Variants in KIF3C observed in about 807,000 individuals in gnomAD.
KIF3C encodes kinesin-like protein KIF3C.
A neutral mutation model predicts 67.7 loss-of-function variants in KIF3C; 12 were observed. The ratio of observed to expected loss-of-function variants is 0.18; its 90% confidence interval spans 0.11 to 0.29. The LOEUF (loss-of-function observed/expected upper bound fraction) is 0.29, where lower values mean the gene tolerates loss of function less well. KIF3C is among the 10% of genes least tolerant of loss of function. The pLI, the probability that KIF3C is intolerant of heterozygous loss-of-function variation, is 1.00. For synonymous variants in KIF3C, 393 were observed against 426.2 expected (o/e 0.92, Z 0.96); for missense variants, 789 against 1,059.6 (o/e 0.74, Z 3.55).
chr2:25,968,030 T>C (rs1664188138), intron 1 of KIF3C, among the ~76,000 whole-genome samples: 1 of 152,166 alleles, frequency 6.6e-6, no homozygotes, highest in Non-Finnish European at 1.5e-5. Context: ...CTTCCATCTC[T>C]TAGAAAATAT....
At position 25,958,060 on chromosome 2, in the gene KIF3C, C is replaced by T. The variant is rs73920213; in HGVS notation, c.1546-1616G>A. ...CATCCTCAGCGACTCACCTGCCTCG[C>T]CTCATCCCTGCCCTGCCTCTCATCC... On this transcript the variant is annotated intron_variant, in intron 1 of 7. Coordinates refer to ENST00000264712, the MANE Select transcript of KIF3C (RefSeq NM_002254.8). This position sits in a 1 kb window ranked among gnomAD's most constrained non-coding sequence, Gnocchi z 4.5. Among the ~76,000 whole-genome samples the T allele has an allele frequency of 7.1e-3, 1,082 of 152,298 alleles. 15 individuals carry two copies. Among genetic ancestry groups the T allele is most frequent in the African/African-American group, 0.025 (1,033 of 41,570 alleles).
chr2:25,950,904 AAAAAG>A (rs1192097874), intron 5 of KIF3C, among the ~76,000 whole-genome samples: 28 of 151,876 alleles, frequency 1.8e-4, no homozygotes, highest in African/African-American at 6.3e-4. Context: ...TAAAAAAAAA[AAAAAG>A]AAGAAGAAAA....
At chr2:25,953,993 A>T (rs965256556) in intron 4 of KIF3C, 1 of 364,564 alleles carries the variant, frequency 2.7e-6, no homozygotes, top group African/African-American at 2.1e-5. Flanking sequence ...AAAAATTTAA[A>T]ATCACTGATT....
chr2:25,928,934 C>A lies in KIF3C; in HGVS notation c.*44G>T. The A allele has an allele frequency of 1.3e-6, 2 of 1,552,322 alleles. No homozygotes were observed. The highest frequency in any genetic ancestry group is 1.8e-6 in the Non-Finnish European group (2 of 1,131,494). The stretch of plus-strand genomic sequence containing the variant: ...ATGAGATGAGCCAGGGTTGGCTGCC[C>A]CATCCCAGGAGTCTATTGGATGGGC... On this transcript the variant is annotated 3_prime_UTR_variant, in exon 8 of 8. Coordinates refer to ENST00000264712, the MANE Select transcript of KIF3C (RefSeq NM_002254.8).
At chr2:25,957,036 C>G (rs934698124) in intron 1 of KIF3C, among the ~76,000 whole-genome samples, 3 of 152,156 alleles carry the variant, frequency 2.0e-5, no homozygotes, top group African/African-American at 7.2e-5. Context: ...CCACTTACCT[C>G]GAGGCTTTGG....
intron 5 of KIF3C, among the ~76,000 whole-genome samples, chr2:25,944,305 T>C (rs1022157762): frequency 6.6e-6 from 1 of 152,124 alleles, no homozygotes; most frequent in Non-Finnish European, 1.5e-5. Flanking sequence ...TCATATAATT[T>C]GTATTTAAGT....
intron 7 of KIF3C, 88 bp downstream of exon 7, chr2:25,929,210 TCGGGTAC>T: frequency 6.8e-7 from 1 of 1,477,776 alleles, no homozygotes; most frequent in Non-Finnish European, 9.4e-7. Context: ...TTCCTGCCCT[TCGGGTAC>T]CAGCAAAACC....
At chr2:25,969,535 A>G (rs1235201692) in intron 1 of KIF3C, among the ~76,000 whole-genome samples, 2 of 152,176 alleles carry the variant, frequency 1.3e-5, no homozygotes, top group Non-Finnish European at 2.9e-5. Flanking sequence ...GCTTATTGTG[A>G]AAAATAAAAT....
At chr2:25,937,850 T>C (rs1211208281) in intron 5 of KIF3C, among the ~76,000 whole-genome samples, 1 of 150,864 alleles carries the variant, frequency 6.6e-6, no homozygotes, top group African/African-American at 2.4e-5. Flanking sequence ...AGGTCAGGAG[T>C]TCAAGACCAG....
intron 1 of KIF3C, among the ~76,000 whole-genome samples, chr2:25,965,437 C>G (rs1664114653): frequency 6.6e-6 from 1 of 151,994 alleles, no homozygotes; most frequent in Non-Finnish European, 1.5e-5. Context: ...TCTGAGGATA[C>G]CAGTGGCCAT....
At chr2:25,976,372 G>T (rs185123567) in intron 1 of KIF3C, among the ~76,000 whole-genome samples, 1 of 152,116 alleles carries the variant, frequency 6.6e-6, no homozygotes, top group East Asian at 1.9e-4. Context: ...TCTTCAATTC[G>T]TGCCTGCATT....
At position 25,980,674 on chromosome 2, in the gene KIF3C, A is replaced by G. The variant is rs1553717735; in HGVS notation, c.1244T>C (p.Val415Ala). 6.2e-7 allele frequency: 1 copy of G among 1,613,986 alleles called. No individual in the cohort carries two copies. Among genetic ancestry groups the G allele is most frequent in the South Asian group, 1.1e-5 (1 of 91,072 alleles). Residue 415 changes from valine (V) to alanine (A), a missense_variant, in exon 1 of 8, where the codon GTG becomes GCG. By Grantham distance (64) the Val-to-Ala change is moderately conservative. This residue lies in a region of KIF3C where 648 missense variants were observed against 807.8 expected (regional missense o/e 0.80). Coordinates refer to ENST00000264712, the MANE Select transcript of KIF3C (RefSeq NM_002254.8). This position sits in a 1 kb window ranked among gnomAD's most constrained non-coding sequence, Gnocchi z 7.6. ...CTCAGGGTACCCAGGCGGGGCGGAC[A>G]CGGCCTTCTTCCTGCGGCTGCTCTT... is the stretch of plus-strand genomic sequence containing the variant. ...RRKSSRRKKA[V>A]SAPPGYPEGP... is the part of the protein sequence containing the mutation.
chr2:25,980,670 G>C lies in KIF3C; in HGVS notation c.1248C>G (p.Ser416=), dbSNP rs556048791. 1 of 1,613,892 alleles carries C rather than the reference G, an allele frequency of 6.2e-7. No homozygotes were observed. Among genetic ancestry groups the C allele is most frequent in the African/African-American group, 1.3e-5 (1 of 74,884 alleles). The part of the protein sequence containing the change: ...RKSSRRKKAV[S]APPGYPEGPV... ...GGCCCTCAGGGTACCCAGGCGGGGC[G>C]GACACGGCCTTCTTCCTGCGGCTGC... Residue 416 remains serine, a synonymous_variant, in exon 1 of 8, where the codon TCC becomes TCG. Transcript: ENST00000264712. The surrounding 1 kb of genome is among the most constrained non-coding windows in gnomAD (Gnocchi z 7.6).
At chr2:25,972,417 G>A (rs868312498) in intron 1 of KIF3C, among the ~76,000 whole-genome samples, 3 of 152,134 alleles carry the variant, frequency 2.0e-5, no homozygotes, top group Admixed American at 6.6e-5. Context: ...AGGACGCAAC[G>A]ATTCTGTTAA....
intron 5 of KIF3C, 136 bp from the exon 6 acceptor site, chr2:25,930,199 C>G (rs1484200780): frequency 6.0e-6 from 4 of 664,950 alleles, no homozygotes; most frequent in African/African-American, 3.6e-5. Context: ...TCTCCTTGCT[C>G]TAATACAGCT....
At position 25,981,576 on chromosome 2, in the gene KIF3C, G is replaced by C. The variant is rs763378055; in HGVS notation, c.342C>G (p.Pro114=). ...TYTMQGTWVE[P]ELRGVIPNAF... is the part of the protein sequence containing the mutation. ...CATTCGGGATGACCCCGCGCAGCTCGGGCTCCACCCAGGTCCCCTGCATGG... is the reference window on the plus strand; with the variant it reads ...CATTCGGGATGACCCCGCGCAGCTCCGGCTCCACCCAGGTCCCCTGCATGG... The change falls in exon 1 of 8, where the codon CCC becomes CCG. Residue 114 remains proline, a synonymous_variant. Coordinates refer to ENST00000264712, the MANE Select transcript of KIF3C (RefSeq NM_002254.8). The surrounding 1 kb of genome is among the most constrained non-coding windows in gnomAD (Gnocchi z 8.2). 45 of 1,614,038 alleles carry C rather than the reference G, an allele frequency of 2.8e-5. No individual in the cohort carries two copies. Among genetic ancestry groups the C allele is most frequent in the Non-Finnish European group, 3.7e-5 (44 of 1,180,040 alleles).
chr2:25,982,369 C>T lies in KIF3C; in HGVS notation c.-452G>A. The T allele has an allele frequency of 2.5e-6, 1 of 399,064 alleles. No individual in the cohort carries two copies. The highest frequency in any genetic ancestry group is 4.4e-6 in the Non-Finnish European group (1 of 226,412). The allele number at this position is 399,064 out of a possible 1,614,324, so 24.7% of individuals were successfully genotyped here. ...GTGGGCGGCCGGGGGTCCCGGGCCTCCCGAGGGCAGAGGCTCACCTGGAGT... is the reference window on the plus strand; with the variant it reads ...GTGGGCGGCCGGGGGTCCCGGGCCTTCCGAGGGCAGAGGCTCACCTGGAGT... On this transcript the variant is annotated 5_prime_UTR_variant, in exon 1 of 8. Coordinates refer to ENST00000264712, the MANE Select transcript of KIF3C (RefSeq NM_002254.8).
intron 1 of KIF3C, among the ~76,000 whole-genome samples, chr2:25,979,820 C>G (rs1664517655): frequency 6.6e-6 from 1 of 152,156 alleles, no homozygotes; most frequent in Non-Finnish European, 1.5e-5. Flanking sequence ...CACGTCACTT[C>G]TCCAAGCTTT....
Position 25,935,179 on chromosome 2 carries a change from A to G in KIF3C, c.2007-5116T>C, listed in dbSNP as rs111420076. Reference sequence around the variant, plus strand: ...GAATCACTTGAACCTGGGAGGCAGAAGTTGCAGTGAGCTGAGATCACACTG... The same window carrying G: ...GAATCACTTGAACCTGGGAGGCAGAGGTTGCAGTGAGCTGAGATCACACTG... On this transcript the variant is annotated intron_variant, in intron 5 of 7. Coordinates refer to ENST00000264712, the MANE Select transcript of KIF3C (RefSeq NM_002254.8). Among the ~76,000 whole-genome samples, 198 of 152,146 alleles carry G rather than the reference A, an allele frequency of 1.3e-3. 1 individual carries two copies. The highest frequency in any genetic ancestry group is 4.5e-3 in the African/African-American group (185 of 41,532).
Sources: gnomAD v4.1 joint callset for allele counts (sites outside exome capture counted in the v4.1 genomes callset) on GRCh38, gnomAD v4.1.1 for gene constraint, gnomAD v4.1.1 regional missense constraint, Gnocchi (gnomAD v3.1) non-coding constraint, MANE v1.5 for transcripts, NCBI Gene and HGNC (gene_info 2026-07-23, HGNC 2026-07-21) for gene names.